The following FAM135B variants were observed in gnomAD, a reference collection of about 807,000 sequenced individuals.
FAM135B encodes the protein family with sequence similarity 135 member B.
FAM135B carries 43 observed loss-of-function variants against 127.7 expected under a neutral mutation model. The ratio of observed to expected loss-of-function variants is 0.34; its 90% CI spans 0.26 to 0.43. The LOEUF is 0.43. FAM135B is among the 20% of genes least tolerant of loss of function. The pLI, the probability that FAM135B is intolerant of heterozygous loss-of-function variation, is 1.00. For synonymous variants in FAM135B, 670 were observed against 665.1 expected, an observed-to-expected ratio of 1.01 and a Z score of -0.11; for missense variants, 1,558 against 1,725.6, an observed-to-expected ratio of 0.90 and a Z score of 1.72.
chr8:138,285,493 T>C (rs573972894), intron 3 of FAM135B, among the ~76,000 whole-genome samples: 1 of 152,236 alleles, frequency 6.6e-6, no homozygotes, highest in South Asian at 2.1e-4. Flanking sequence ...GTTCCTTCTG[T>C]AGCGACAGAG....
At chr8:138,135,588 T>C (rs552669574) in intron 19 of FAM135B, among the ~76,000 whole-genome samples, 5 of 152,296 alleles carry the variant, frequency 3.3e-5, no homozygotes, top group African/African-American at 1.2e-4. Context: ...CACGTGTTGC[T>C]GGTATCAATA....
chr8:138,166,955 C>A (rs180886771), intron 12 of FAM135B, among the ~76,000 whole-genome samples: 2 of 152,054 alleles, frequency 1.3e-5, no homozygotes, highest in African/African-American at 4.8e-5. Context: ...GAGAAGATAC[C>A]ATCCCATTGT....
chr8:138,250,093 C>T (rs1821584445), intron 6 of FAM135B, among the ~76,000 whole-genome samples: 1 of 152,148 alleles, frequency 6.6e-6, no homozygotes, highest in Admixed American at 6.5e-5. Context: ...TGGCTCACGC[C>T]TGTAATCCCA....
intron 3 of FAM135B, among the ~76,000 whole-genome samples, chr8:138,274,291 G>A (rs1823635906): frequency 6.6e-6 from 1 of 152,156 alleles, no homozygotes; most frequent in South Asian, 2.1e-4. Flanking sequence ...GCATCTGGGG[G>A]AGACATCACA....
intron 7 of FAM135B, among the ~76,000 whole-genome samples, chr8:138,220,396 G>A (rs916244170): frequency 1.3e-5 from 2 of 152,100 alleles, no homozygotes; most frequent in Non-Finnish European, 2.9e-5. Flanking sequence ...CTAGTGAGAG[G>A]CAAAAAGCAT....
chr8:138,212,412 C>CAAAAAGGAAATAAGAGGG (rs1221389961), intron 7 of FAM135B, among the ~76,000 whole-genome samples: 1 of 152,014 alleles, frequency 6.6e-6, no homozygotes, highest in Non-Finnish European at 1.5e-5. Context: ...GACTGAGGCA[C>CAAAAAGGAAATAAGAGGG]AAAAAGGAAA....
Position 138,251,005 on chromosome 8 carries a change from A to G in FAM135B, c.378T>C (p.Asp126=). ...HFTDSEQQLR[D]VAGAPMVSSR... is the part of the protein sequence containing the mutation. ...TGCTGACCATCGGTGCCCCAGCCACATCCCTCAACCTAGAAGGCAAGCATG... is the reference window on the plus strand; with the variant it reads ...TGCTGACCATCGGTGCCCCAGCCACGTCCCTCAACCTAGAAGGCAAGCATG... Residue 126 remains aspartate (D), a synonymous_variant, in exon 6 of 20, where the codon GAT becomes GAC. Transcript: ENST00000395297. 6.2e-7 allele frequency: 1 copy of G among 1,613,998 alleles called. No homozygotes were observed.
rs1820785138 is a variant in FAM135B at position 138,241,680 on chromosome 8, T to C, written c.669+1262A>G. On this transcript the variant is annotated intron_variant, in intron 7 of 19. Coordinates refer to ENST00000395297, the MANE Select transcript of FAM135B (RefSeq NM_015912.4). The surrounding 1 kb of genome is among the most constrained non-coding windows in gnomAD (Gnocchi z 4.8). Reference sequence around the variant, plus strand: ...TGCGGGGCTGACTGGGCATGGACAGTTTATCACACTTATAATGTGGGCTAC... The same window carrying C: ...TGCGGGGCTGACTGGGCATGGACAGCTTATCACACTTATAATGTGGGCTAC... 2.0e-5 allele frequency among the ~76,000 whole-genome samples: 3 copies of C among 152,156 alleles called. No individual in the cohort carries two copies.
rs1005878983 is a variant in FAM135B at position 138,355,569 on chromosome 8, G to C, written c.77+12338C>G. ...GACTAAACTTTTATTATGGAAATGTGAGTGCAGTTGGTTAAGAAAGTATCT... is the reference window on the plus strand; with the variant it reads ...GACTAAACTTTTATTATGGAAATGTCAGTGCAGTTGGTTAAGAAAGTATCT... On this transcript the variant is annotated intron_variant, in intron 2 of 19. Transcript: ENST00000395297. Among the ~76,000 whole-genome samples the C allele has an allele frequency of 4.6e-5, 7 of 152,136 alleles. 1 individual carries two copies. Among genetic ancestry groups the C allele is most frequent in the African/African-American group, 1.7e-4 (7 of 41,432 alleles).
intron 11 of FAM135B, among the ~76,000 whole-genome samples, chr8:138,170,833 A>C (rs954850316): frequency 9.2e-5 from 14 of 152,090 alleles, no homozygotes; most frequent in Non-Finnish European, 1.5e-4. Context: ...TCTACCCTTA[A>C]TGTGGGTGGC....
chr8:138,159,041 G>A (rs933681740), intron 12 of FAM135B, among the ~76,000 whole-genome samples: 6 of 151,032 alleles, frequency 4.0e-5, no homozygotes, highest in Non-Finnish European at 8.8e-5. Flanking sequence ...GGGAGGCCGA[G>A]GCGGGTGGAT....
At chr8:138,431,736 C>T (rs776281709) in intron 1 of FAM135B, among the ~76,000 whole-genome samples, 1 of 152,158 alleles carries the variant, frequency 6.6e-6, no homozygotes, top group African/African-American at 2.4e-5. Context: ...ACTGCTGTCA[C>T]GTGGGACTCA....
chr8:138,412,325 C>A (rs777052322), intron 1 of FAM135B, among the ~76,000 whole-genome samples: 33 of 152,224 alleles, frequency 2.2e-4, no homozygotes, highest in Non-Finnish European at 3.8e-4. Context: ...GAGACTCAGG[C>A]AGATAATCCA....
chr8:138,381,474 A>C (rs1356306531), intron 1 of FAM135B, among the ~76,000 whole-genome samples: 2 of 152,134 alleles, frequency 1.3e-5, no homozygotes, highest in Non-Finnish European at 2.9e-5. Flanking sequence ...ATAGCCCTGA[A>C]TAGGTTATGC....
intron 3 of FAM135B, among the ~76,000 whole-genome samples, chr8:138,285,134 ATTTTTTTTTTTTT>A (rs386414180): frequency 1.3e-4 from 7 of 54,792 alleles, no homozygotes; most frequent in African/African-American, 3.5e-4. Context: ...GGCTCTACTA[ATTTTTTTTTTTTT>A]TTTTTTTTTT....
chr8:138,442,248 A>ATATATG (rs1348802701), intron 1 of FAM135B, among the ~76,000 whole-genome samples: 1 of 110,300 alleles, frequency 9.1e-6, no homozygotes, highest in Non-Finnish European at 1.9e-5. Flanking sequence ...ATATATATAT[A>ATATATG]TATATATATA....
At chr8:138,195,886 T>C (rs1317171094) in intron 8 of FAM135B, among the ~76,000 whole-genome samples, 1 of 152,230 alleles carries the variant, frequency 6.6e-6, no homozygotes, top group Non-Finnish European at 1.5e-5. Flanking sequence ...GGTTCCATGA[T>C]GCTGTGGTCA....
At chr8:138,206,557 C>A (rs529175654) in intron 7 of FAM135B, among the ~76,000 whole-genome samples, 75 of 151,644 alleles carry the variant, frequency 4.9e-4, no homozygotes, top group African/African-American at 1.7e-3. Context: ...AGCATCCCCT[C>A]CACCTACACA....
intron 5 of FAM135B, among the ~76,000 whole-genome samples, chr8:138,255,026 CTTTTTT>C (rs5895505): frequency 8.4e-6 from 1 of 118,710 alleles, no homozygotes; most frequent in Non-Finnish European, 1.7e-5. Context: ...GAAATCTGAA[CTTTTTT>C]TTTTTTTTTT....
Sources: gnomAD v4.1 joint callset for allele counts (sites outside exome capture counted in the v4.1 genomes callset) on GRCh38, gnomAD v4.1.1 for gene constraint, Gnocchi (gnomAD v3.1) non-coding constraint, MANE v1.5 for transcripts, NCBI Gene and HGNC (gene_info 2026-07-23, HGNC 2026-07-21) for gene names.